CHCHD3: variants seen among roughly 807,000 people sequenced by gnomAD.
The protein encoded by CHCHD3 is MICOS complex subunit MIC19.
In CHCHD3, 20 loss-of-function variants were observed where a neutral mutation model predicts 38.2. That is an observed-to-expected ratio of 0.52 (90% CI 0.37 to 0.76). The LOEUF is 0.76. CHCHD3 is among the 30% of genes least tolerant of loss of function. The pLI is 0.00. For missense variants in CHCHD3, 245 were observed against 279.2 expected (o/e 0.88, Z 0.87); for synonymous variants, 82 against 100.0 (o/e 0.82, Z 1.07).
At chr7:132,823,882 TA>T (rs1375616247) in intron 6 of CHCHD3, among the ~76,000 whole-genome samples, 2 of 152,224 alleles carry the variant, frequency 1.3e-5, no homozygotes, top group Non-Finnish European at 2.9e-5. Context: ...ACTAATCATA[TA>T]CCATTTCAAT....
At chr7:132,915,836 G>A (rs1463973874) in intron 4 of CHCHD3, among the ~76,000 whole-genome samples, 5 of 151,774 alleles carry the variant, frequency 3.3e-5, no homozygotes, top group African/African-American at 4.8e-5. Flanking sequence ...GAACTTCTTC[G>A]TTAATGTTTA....
At chr7:132,974,075 G>C in intron 4 of CHCHD3, 1 of 1,225,360 alleles carries the variant, frequency 8.2e-7, no homozygotes, top group Non-Finnish European at 1.0e-6. Context: ...GAATACAAAA[G>C]GCAGAACATT....
intron 1 of CHCHD3, among the ~76,000 whole-genome samples, chr7:133,071,786 T>C (rs932086842): frequency 2.6e-5 from 4 of 152,182 alleles, no homozygotes; most frequent in Non-Finnish European, 4.4e-5. Context: ...AGTGAAGTTA[T>C]GACATGTGCT....
rs1813645068 is a variant in CHCHD3 at position 133,035,441 on chromosome 7, A to T, written c.170-10814T>A. The T allele has an allele frequency of 1.9e-6, 3 of 1,613,558 alleles. No individual in the cohort carries two copies. The highest frequency in any genetic ancestry group is 2.5e-6 in the Non-Finnish European group (3 of 1,179,494). On this transcript the variant is annotated intron_variant, in intron 2 of 7. Transcript: ENST00000262570. The surrounding 1 kb of genome is among the most constrained non-coding windows in gnomAD (Gnocchi z 4.7). ...ACAGGGTGCAGACAACTGTGATGTC[A>T]GCCAATGTCACTCGTTCGCCCACCA...
chr7:132,921,798 CAG>C (rs1176085280), intron 4 of CHCHD3, among the ~76,000 whole-genome samples: 1 of 152,224 alleles, frequency 6.6e-6, no homozygotes, highest in Non-Finnish European at 1.5e-5. Context: ...CACCACGTCT[CAG>C]AGGATGATGA....
intron 7 of CHCHD3, among the ~76,000 whole-genome samples, chr7:132,787,990 C>T (rs1181566783): frequency 6.6e-6 from 1 of 152,130 alleles, no homozygotes; most frequent in Non-Finnish European, 1.5e-5. Context: ...TGTGAGGCAC[C>T]AGCCCCATGT....
At chr7:132,948,147 C>T (rs963508933) in intron 4 of CHCHD3, among the ~76,000 whole-genome samples, 17 of 152,012 alleles carry the variant, frequency 1.1e-4, no homozygotes, top group African/African-American at 4.1e-4. Context: ...TCCTTCTTTG[C>T]CTTCCAAAAA....
At chr7:132,971,275 T>G (rs1432819493) in intron 4 of CHCHD3, among the ~76,000 whole-genome samples, 1 of 152,204 alleles carries the variant, frequency 6.6e-6, no homozygotes, top group African/African-American at 2.4e-5. Flanking sequence ...TTTTAACATT[T>G]TCATGCAGGT....
At position 132,882,997 on chromosome 7, in the gene CHCHD3, T is replaced by A. The variant is rs574616028; in HGVS notation, c.453+2665A>T. Among the ~76,000 whole-genome samples the A allele has an allele frequency of 1.9e-3, 287 of 151,940 alleles. 1 individual carries two copies. Among genetic ancestry groups the A allele is most frequent in the African/African-American group, 6.7e-3 (276 of 41,446 alleles). ...CTGTTCTTGTGATAAGTGAGAGAGT[T>A]CTCAGATCTGATGGTTTAAAAGTAG... On this transcript the variant is annotated intron_variant, in intron 5 of 7. Coordinates refer to ENST00000262570, the MANE Select transcript of CHCHD3 (RefSeq NM_017812.4).
At chr7:133,011,545 GCCAGTGGTACCC>G (rs1459565060) in intron 3 of CHCHD3, among the ~76,000 whole-genome samples, 1 of 152,154 alleles carries the variant, frequency 6.6e-6, no homozygotes, top group Non-Finnish European at 1.5e-5. Context: ...CCTATCAGAT[GCCAGTGGTACCC>G]CCAATGTTAG....
intron 6 of CHCHD3, among the ~76,000 whole-genome samples, chr7:132,814,353 C>T (rs906024281): frequency 6.6e-6 from 1 of 152,128 alleles, no homozygotes; most frequent in East Asian, 1.9e-4. Flanking sequence ...TGTCCCTTCC[C>T]CTACCCCATA....
chr7:132,932,042 A>AT lies in CHCHD3; in HGVS notation c.369+43126dup, dbSNP rs1397194228. ...AGTGCTCCTGAATGATGAATAGTTTATTTTTTTTCAGACCCACTATGGACA... is the reference window on the plus strand; with the variant it reads ...AGTGCTCCTGAATGATGAATAGTTTATTTTTTTTTCAGACCCACTATGGACA... On this transcript the variant is annotated intron_variant, in intron 4 of 7. Coordinates refer to ENST00000262570, the MANE Select transcript of CHCHD3 (RefSeq NM_017812.4). Among the ~76,000 whole-genome samples the AT allele has an allele frequency of 8.5e-5, 13 of 152,090 alleles. No homozygotes were observed. In the East Asian group the frequency reaches 2.3e-3, roughly 27 times the overall value.
chr7:132,929,265 G>C (rs549208136), intron 4 of CHCHD3, among the ~76,000 whole-genome samples: 10 of 152,158 alleles, frequency 6.6e-5, no homozygotes, highest in Non-Finnish European at 7.4e-5. Flanking sequence ...GGCTGTCTCT[G>C]GAAACTTCAC....
chr7:132,825,948 T>C (rs1332345006), intron 6 of CHCHD3, among the ~76,000 whole-genome samples: 1 of 152,230 alleles, frequency 6.6e-6, no homozygotes. Context: ...AGCAAGCTTC[T>C]ACCATATGAA....
intron 4 of CHCHD3, among the ~76,000 whole-genome samples, chr7:132,929,108 G>GA (rs766756875): frequency 6.6e-6 from 1 of 152,088 alleles, no homozygotes; most frequent in Non-Finnish European, 1.5e-5. Flanking sequence ...AATCTTCATA[G>GA]AATAATAACT....
At chr7:132,888,915 T>C (rs558620524) in intron 4 of CHCHD3, among the ~76,000 whole-genome samples, 2 of 152,166 alleles carry the variant, frequency 1.3e-5, no homozygotes, top group South Asian at 4.1e-4. Context: ...TACTTGTTTA[T>C]ATGGACATGG....
intron 4 of CHCHD3, among the ~76,000 whole-genome samples, chr7:132,915,489 C>T (rs1229343960): frequency 6.6e-6 from 1 of 152,160 alleles, no homozygotes; most frequent in Non-Finnish European, 1.5e-5. Context: ...TTCCACTTAC[C>T]AGAAACTTTT....
chr7:133,014,671 T>A (rs866159828), intron 3 of CHCHD3, among the ~76,000 whole-genome samples: 179 of 147,536 alleles, frequency 1.2e-3, no homozygotes, highest in Middle Eastern at 3.4e-3. Flanking sequence ...TCTTCCATTT[T>A]AAAAAAAAAA....
At chr7:132,864,345 G>GT (rs1176668114) in intron 5 of CHCHD3, among the ~76,000 whole-genome samples, 3 of 152,140 alleles carry the variant, frequency 2.0e-5, no homozygotes, top group Non-Finnish European at 2.9e-5. Flanking sequence ...GAACACACAC[G>GT]TAACAGTTAT....
Sources: allele counts gnomAD v4.1 joint callset (sites outside exome capture counted in the v4.1 genomes callset), GRCh38; gene constraint gnomAD v4.1.1; non-coding constraint Gnocchi (gnomAD v3.1); transcripts MANE v1.5; gene names NCBI Gene and HGNC (gene_info 2026-07-23, HGNC 2026-07-21).